NALF1: variants seen among roughly 807,000 people sequenced by gnomAD.
NALF1 encodes the protein family with sequence similarity 155 member A.
A neutral mutation model predicts 48.4 loss-of-function variants in NALF1; 3 were observed. The observed-to-expected ratio is 0.06, with a 90% CI of 0.03 to 0.16. NALF1 has a LOEUF of 0.16. NALF1 is among the 10% of genes least tolerant of loss of function. NALF1 has a pLI of 1.00. For missense variants in NALF1, 526 were observed against 571.5 expected (o/e 0.92, Z 0.81); for synonymous variants, 262 against 245.7 (o/e 1.07, Z -0.62).
At chr13:107,818,871 C>CAAAAAAAA (rs774372636) in intron 1 of NALF1, among the ~76,000 whole-genome samples, 19 of 73,814 alleles carry the variant, frequency 2.6e-4, no homozygotes, top group African/African-American at 5.9e-4. Flanking sequence ...GACTCCGTCT[C>CAAAAAAAA]AAAAAAAAAA....
intron 1 of NALF1, among the ~76,000 whole-genome samples, chr13:107,425,922 T>C (rs545986925): frequency 6.6e-6 from 1 of 152,178 alleles, no homozygotes; most frequent in Non-Finnish European, 1.5e-5. Context: ...TGTACTATGA[T>C]ATTAAATGTC....
At chr13:107,654,072 T>C (rs7337767) in intron 1 of NALF1, among the ~76,000 whole-genome samples, 1 of 151,328 alleles carries the variant, frequency 6.6e-6, no homozygotes, top group African/African-American at 2.4e-5. Context: ...AACAAAAATA[T>C]ATAAAAGATA....
chr13:107,768,496 A>G lies in NALF1; in HGVS notation c.915+97186T>C, dbSNP rs74328371. 1.5e-3 allele frequency among the ~76,000 whole-genome samples: 233 copies of G among 152,340 alleles called. 7 individuals carry two copies. In the East Asian group the frequency reaches 0.041, roughly 27 times the overall value. ...TATAAGAATTTGGAATGTGAACTAA[A>G]TCTTGAGACTTATTTTTTTCTACTA... On this transcript the variant is annotated intron_variant, in intron 1 of 2. Coordinates refer to ENST00000375915, the MANE Select transcript of NALF1 (RefSeq NM_001080396.3).
chr13:107,268,276 C>A (rs1234757730), intron 1 of NALF1, among the ~76,000 whole-genome samples: 3 of 152,102 alleles, frequency 2.0e-5, no homozygotes, highest in Admixed American at 6.5e-5. Flanking sequence ...GTGTGAGCCA[C>A]CGCACCCAGC....
intron 1 of NALF1, among the ~76,000 whole-genome samples, chr13:107,263,646 C>T (rs1880981160): frequency 6.6e-6 from 1 of 152,090 alleles, no homozygotes; most frequent in Non-Finnish European, 1.5e-5. Context: ...CTCTCTTTGC[C>T]CGCCACCGTG....
intron 1 of NALF1, among the ~76,000 whole-genome samples, chr13:107,358,990 T>C (rs1883012324): frequency 1.3e-5 from 2 of 152,156 alleles, no homozygotes; most frequent in Non-Finnish European, 2.9e-5. Flanking sequence ...TTGGAGATCC[T>C]GAACTATTTT....
At chr13:107,210,490 A>G (rs1879738223) in intron 2 of NALF1, 94 bp downstream of exon 2, 4 of 881,126 alleles carry the variant, frequency 4.5e-6, no homozygotes, top group African/African-American at 1.7e-5. Flanking sequence ...CTTCAAGGTT[A>G]TATCAGTGAA....
intron 1 of NALF1, among the ~76,000 whole-genome samples, chr13:107,722,001 T>C (rs961679871): frequency 3.9e-5 from 6 of 152,130 alleles, no homozygotes; most frequent in African/African-American, 1.4e-4. Context: ...TGCCTTTGAG[T>C]TTAAGACGAT....
intron 1 of NALF1, among the ~76,000 whole-genome samples, chr13:107,561,904 T>C (rs1877659703): frequency 6.6e-6 from 1 of 152,236 alleles, no homozygotes; most frequent in African/African-American, 2.4e-5. Context: ...ACTTGCATTA[T>C]TTATTAATGG....
At chr13:107,370,340 C>G (rs1195612685) in intron 1 of NALF1, among the ~76,000 whole-genome samples, 1 of 152,174 alleles carries the variant, frequency 6.6e-6, no homozygotes, top group African/African-American at 2.4e-5. Context: ...GAAAGATACT[C>G]AAGTTTCTGG....
chr13:107,837,372 A>G (rs1879925255), intron 1 of NALF1, among the ~76,000 whole-genome samples: 1 of 152,214 alleles, frequency 6.6e-6, no homozygotes, highest in Non-Finnish European at 1.5e-5. Flanking sequence ...GAGCCTATTG[A>G]ACCATAGATT....
intron 1 of NALF1, among the ~76,000 whole-genome samples, chr13:107,385,245 T>C (rs1280353837): frequency 6.6e-6 from 1 of 152,062 alleles, no homozygotes; most frequent in Non-Finnish European, 1.5e-5. Context: ...AATAAAAACG[T>C]CTTCAATTGT....
intron 1 of NALF1, among the ~76,000 whole-genome samples, chr13:107,813,739 G>A (rs1029841519): frequency 1.3e-5 from 2 of 151,826 alleles, no homozygotes; most frequent in African/African-American, 4.8e-5. Flanking sequence ...AGAAGAAGAA[G>A]AAAGTATTAA....
intron 1 of NALF1, among the ~76,000 whole-genome samples, chr13:107,295,089 A>T (rs1411637025): frequency 6.6e-6 from 1 of 152,114 alleles, no homozygotes; most frequent in Non-Finnish European, 1.5e-5. Flanking sequence ...GATTGAACCC[A>T]TCACCCAGGT....
At position 107,588,599 on chromosome 13, in the gene NALF1, T is replaced by C. The variant is rs544324892; in HGVS notation, c.915+277083A>G. 1.6e-3 allele frequency among the ~76,000 whole-genome samples: 242 copies of C among 152,246 alleles called. 1 individual carries two copies. Among genetic ancestry groups the C allele is most frequent in the African/African-American group, 5.5e-3 (228 of 41,564 alleles). ...CTGTTTGGTGCCTGTAAATCTGCTGTCTGTGAGTGTAAAAGGAAACATGGA... is the reference window on the plus strand; with the variant it reads ...CTGTTTGGTGCCTGTAAATCTGCTGCCTGTGAGTGTAAAAGGAAACATGGA... On this transcript the variant is annotated intron_variant, in intron 1 of 2. Coordinates refer to ENST00000375915, the MANE Select transcript of NALF1 (RefSeq NM_001080396.3).
intron 1 of NALF1, among the ~76,000 whole-genome samples, chr13:107,481,846 A>C (rs187276851): frequency 6.6e-6 from 1 of 152,288 alleles, no homozygotes; most frequent in East Asian, 1.9e-4. Context: ...GTAGTCTTTA[A>C]GTGTTTTTAC....
chr13:107,263,688 G>A (rs1432878305), intron 1 of NALF1, among the ~76,000 whole-genome samples: 2 of 152,096 alleles, frequency 1.3e-5, no homozygotes, highest in East Asian at 1.9e-4. Flanking sequence ...CACCATGATT[G>A]TGATGCCTCC....
intron 1 of NALF1, among the ~76,000 whole-genome samples, chr13:107,502,624 C>T (rs563154563): frequency 8.5e-5 from 13 of 152,072 alleles, no homozygotes; most frequent in Non-Finnish European, 1.5e-4. Context: ...TGAAAACTTC[C>T]GTCAGATATT....
intron 1 of NALF1, among the ~76,000 whole-genome samples, chr13:107,379,916 A>G (rs1270908683): frequency 6.6e-6 from 1 of 152,238 alleles, no homozygotes; most frequent in African/African-American, 2.4e-5. Flanking sequence ...TTAAATCACT[A>G]TGACATGGAG....
Sources: allele counts gnomAD v4.1 joint callset (sites outside exome capture counted in the v4.1 genomes callset), GRCh38; gene constraint gnomAD v4.1.1; transcripts MANE v1.5; gene names NCBI Gene and HGNC (gene_info 2026-07-23, HGNC 2026-07-21).